Variants in IKZF3 observed in about 807,000 individuals in gnomAD.
IKZF3 encodes the protein IKAROS family zinc finger 3.
Under a neutral mutation model 49.0 loss-of-function variants are expected in IKZF3, and 10 were observed. The ratio of observed to expected loss-of-function variants is 0.20; its 90% CI spans 0.13 to 0.35. The LOEUF (loss-of-function observed/expected upper bound fraction) is 0.35, where lower values mean the gene tolerates loss of function less well. IKZF3 is among the 10% of genes least tolerant of loss of function. The pLI is 1.00. For missense variants in IKZF3, 498 were observed against 664.8 expected (o/e 0.75, Z 2.76); for synonymous variants, 209 against 228.2 (o/e 0.92, Z 0.76).
chr17:39,819,205 C>T (rs1386572288), intron 3 of IKZF3, among the ~76,000 whole-genome samples: 1 of 152,100 alleles, frequency 6.6e-6, no homozygotes, highest in Non-Finnish European at 1.5e-5. Flanking sequence ...TTTTTTACCA[C>T]AAACTATCTG....
chr17:39,797,243 T>C (rs183150322), intron 3 of IKZF3, among the ~76,000 whole-genome samples: 1 of 151,992 alleles, frequency 6.6e-6, no homozygotes, highest in Admixed American at 6.6e-5. Context: ...TTCTCTGTAA[T>C]ATGGCTTCCG....
chr17:39,769,516 T>C (rs1303859796), intron 7 of IKZF3, among the ~76,000 whole-genome samples: 1 of 152,208 alleles, frequency 6.6e-6, no homozygotes, highest in Non-Finnish European at 1.5e-5. Context: ...TCAATGTTTT[T>C]TATTTTCAGT....
chr17:39,856,118 A>G (rs939429438), intron 1 of IKZF3, among the ~76,000 whole-genome samples: 2 of 151,328 alleles, frequency 1.3e-5, no homozygotes, highest in East Asian at 1.9e-4. Context: ...GTACAATATA[A>G]CATGTATATA....
intron 1 of IKZF3, among the ~76,000 whole-genome samples, chr17:39,839,096 G>A (rs2144378567): frequency 6.6e-6 from 1 of 151,674 alleles, no homozygotes; most frequent in East Asian, 1.9e-4. Context: ...TTCCCAAAGA[G>A]CTGGGATTAT....
chr17:39,772,606 G>T (rs886508987), intron 7 of IKZF3, among the ~76,000 whole-genome samples: 2 of 152,152 alleles, frequency 1.3e-5, no homozygotes, highest in Admixed American at 6.5e-5. Flanking sequence ...CAGGAAGGAG[G>T]AAAGAACAGA....
chr17:39,815,421 T>A (rs1439535956), intron 3 of IKZF3, among the ~76,000 whole-genome samples: 1 of 152,238 alleles, frequency 6.6e-6, no homozygotes, highest in Non-Finnish European at 1.5e-5. Flanking sequence ...TATCCCTCAG[T>A]ACACTAGCAT....
At chr17:39,808,577 C>T (rs2061485148) in intron 3 of IKZF3, among the ~76,000 whole-genome samples, 2 of 152,188 alleles carry the variant, frequency 1.3e-5, no homozygotes, top group Admixed American at 1.3e-4. Flanking sequence ...TTTTACTAGG[C>T]TGTGGTTATT....
At chr17:39,767,383 T>G (rs906168054) in intron 7 of IKZF3, among the ~76,000 whole-genome samples, 5 of 152,098 alleles carry the variant, frequency 3.3e-5, no homozygotes, top group Non-Finnish European at 7.4e-5. Flanking sequence ...GGCTCTCTGG[T>G]CACAGGGAAG....
At chr17:39,789,115 C>A (rs531050163) in intron 5 of IKZF3, among the ~76,000 whole-genome samples, 1 of 152,156 alleles carries the variant, frequency 6.6e-6, no homozygotes, top group African/African-American at 2.4e-5. Context: ...TTGCACCCGG[C>A]CAGGATATTT....
intron 6 of IKZF3, among the ~76,000 whole-genome samples, chr17:39,786,665 C>T (rs1283535025): frequency 2.6e-5 from 4 of 152,080 alleles, no homozygotes. Flanking sequence ...TGCTTTGTTG[C>T]CCAGGTTGGG....
chr17:39,778,944 C>T (rs1239151961), intron 6 of IKZF3, among the ~76,000 whole-genome samples: 1 of 152,186 alleles, frequency 6.6e-6, no homozygotes, highest in Non-Finnish European at 1.5e-5. Flanking sequence ...GTAAGAAATA[C>T]CTATGCCCAG....
chr17:39,848,897 G>A (rs1350673360), intron 1 of IKZF3, among the ~76,000 whole-genome samples: 1 of 152,062 alleles, frequency 6.6e-6, no homozygotes, highest in Non-Finnish European at 1.5e-5. Flanking sequence ...TGCCCAGGCT[G>A]GTTTTAAACT....
chr17:39,863,466 G>GA (rs1321214661), intron 1 of IKZF3, among the ~76,000 whole-genome samples: 6 of 152,096 alleles, frequency 3.9e-5, no homozygotes, highest in African/African-American at 1.2e-4. Context: ...AGAAACACTT[G>GA]TTGAAAAGAC....
intron 3 of IKZF3, among the ~76,000 whole-genome samples, chr17:39,799,246 C>T (rs913706854): frequency 6.6e-6 from 1 of 152,098 alleles, no homozygotes; most frequent in East Asian, 1.9e-4. Context: ...AAGTAGACAT[C>T]CCATAAATTC....
chr17:39,834,806 G>C (rs958965782), intron 1 of IKZF3, among the ~76,000 whole-genome samples: 1 of 152,198 alleles, frequency 6.6e-6, no homozygotes, highest in African/African-American at 2.4e-5. Context: ...GGCAAGGGGG[G>C]TATCCCAGGC....
chr17:39,843,466 G>T (rs1420311263), intron 1 of IKZF3, among the ~76,000 whole-genome samples: 1 of 151,622 alleles, frequency 6.6e-6, no homozygotes, highest in African/African-American at 2.4e-5. Flanking sequence ...ACGAAAACTA[G>T]CTCAAAGCTT....
chr17:39,810,763 G>C (rs1213895070), intron 3 of IKZF3, among the ~76,000 whole-genome samples: 2 of 152,184 alleles, frequency 1.3e-5, no homozygotes, highest in African/African-American at 4.8e-5. Context: ...ATTATAATTT[G>C]ATCAATAATT....
rs758368557 is a variant in IKZF3, at chr17:39,832,147, T to A, written c.12A>T (p.Ile4=). Residue 4 remains isoleucine, a synonymous_variant, in exon 2 of 8, where the codon ATA becomes ATT. Coordinates refer to ENST00000346872, the MANE Select transcript of IKZF3 (RefSeq NM_012481.5). The part of the protein sequence containing the change: MED[I]QTNAELKSTQ... ...TGCTTTTCAGTTCCGCATTTGTTTG[T>A]ATATCTGAAAAGAAAGAGGTTATAA... 1.9e-6 allele frequency: 3 copies of A among 1,611,474 alleles called. No homozygotes were observed. Among genetic ancestry groups the A allele is most frequent in the South Asian group, 2.2e-5 (2 of 90,962 alleles).
chr17:39,773,907 G>C (rs1397483801), intron 7 of IKZF3, among the ~76,000 whole-genome samples: 1 of 151,678 alleles, frequency 6.6e-6, no homozygotes, highest in African/African-American at 2.4e-5. Context: ...GAATTATTCT[G>C]ACAATGTAAA....
Sources: allele counts gnomAD v4.1 joint callset (sites outside exome capture counted in the v4.1 genomes callset), GRCh38; gene constraint gnomAD v4.1.1; transcripts MANE v1.5; gene names NCBI Gene and HGNC (gene_info 2026-07-23, HGNC 2026-07-21).